The following CELA2A variants were observed in gnomAD, a reference collection of about 807,000 sequenced individuals.
CELA2A encodes chymotrypsin like elastase 2A.
In CELA2A, 31 loss-of-function variants were observed where a neutral mutation model predicts 35.3. That is an observed-to-expected ratio of 0.88 (90% CI 0.66 to 1.19). CELA2A has a LOEUF of 1.19. CELA2A is among the 50% of genes most tolerant of loss of function. The pLI is 0.00. For synonymous variants in CELA2A, 150 were observed against 149.8 expected (o/e 1.00, Z -0.01); for missense variants, 330 against 352.9 (o/e 0.94, Z 0.52).
At chr1:15,471,275 G>A (rs181618992) in intron 7 of CELA2A, among the ~76,000 whole-genome samples, 39 of 152,218 alleles carry the variant, frequency 2.6e-4, no homozygotes, top group African/African-American at 8.4e-4. Context: ...GGCTGGGCGC[G>A]GTGGCTCACG....
rs1447661522 is a variant in CELA2A at position 15,457,047 on chromosome 1, T to A, written c.41-39T>A. 4 of 1,578,838 alleles carry A rather than the reference T, an allele frequency of 2.5e-6. No individual in the cohort carries two copies. In the South Asian group the frequency reaches 4.4e-5, roughly 18 times the overall value. On this transcript the variant is annotated intron_variant, in intron 1 of 7. Transcript: ENST00000359621. Reference sequence around the variant, plus strand: ...GCAAGTGTAGTTTACATTGTGTGGGTCGCTGCTTCCTGACTCAAGACCCTT... The same window carrying A: ...GCAAGTGTAGTTTACATTGTGTGGGACGCTGCTTCCTGACTCAAGACCCTT...
intron 2 of CELA2A, among the ~76,000 whole-genome samples, chr1:15,460,134 G>A (rs1404685931): frequency 2.0e-5 from 3 of 152,124 alleles, no homozygotes; most frequent in African/African-American, 7.2e-5. Flanking sequence ...GAAGGCAACT[G>A]GGACTTGGAA....
At chr1:15,461,538 A>C in intron 2 of CELA2A, 23 bp from the exon 3 acceptor site, 3 of 1,611,346 alleles carry the variant, frequency 1.9e-6, no homozygotes, top group Non-Finnish European at 2.5e-6. Flanking sequence ...ACCTAGCCAC[A>C]GAGCTCCTTT....
chr1:15,463,392 C>T lies in CELA2A; in HGVS notation c.363C>T (p.Asp121=). 3.1e-6 allele frequency: 5 copies of T among 1,613,706 alleles called. 1 individual carries two copies. Among genetic ancestry groups the T allele is most frequent in the Non-Finnish European group, 4.2e-6 (5 of 1,179,866 alleles). The change falls in exon 5 of 8, where the codon GAC becomes GAT. Residue 121 remains aspartate (D), a synonymous_variant. Transcript: ENST00000359621. The stretch of plus-strand genomic sequence containing the variant: ...CGCCTCCACACTCACCCAGGAACGA[C>T]ATTGCCCTGCTCAAACTGGCTAACC... ...WNSNQISKGN[D]IALLKLANPV...
At chr1:15,461,702 G>T (rs746486230) in intron 3 of CELA2A, 44 bp downstream of exon 3, 2 of 1,611,292 alleles carry the variant, frequency 1.2e-6, no homozygotes, top group Non-Finnish European at 8.5e-7. Flanking sequence ...ACCAGCTGGT[G>T]CTCATTTCTG....
At chr1:15,469,994 A>T (rs1708568903) in intron 7 of CELA2A, among the ~76,000 whole-genome samples, 1 of 152,178 alleles carries the variant, frequency 6.6e-6, no homozygotes, top group Non-Finnish European at 1.5e-5. Context: ...CACAAGCACA[A>T]CAGAACAGGC....
intron 2 of CELA2A, among the ~76,000 whole-genome samples, chr1:15,458,303 A>G (rs993301460): frequency 1.3e-5 from 2 of 152,172 alleles, no homozygotes; most frequent in Non-Finnish European, 2.9e-5. Context: ...TCTCACAGAC[A>G]CTACTTCAAG....
intron 5 of CELA2A, 61 bp from the exon 6 acceptor site, chr1:15,465,938 A>G: frequency 2.5e-6 from 4 of 1,595,836 alleles, no homozygotes; most frequent in Non-Finnish European, 3.4e-6. Context: ...AGACGGGTCC[A>G]TCACTTCCTT....
At chr1:15,465,946 C>G in intron 5 of CELA2A, 53 bp from the exon 6 acceptor site, 1 of 1,605,748 alleles carries the variant, frequency 6.2e-7, no homozygotes, top group Non-Finnish European at 8.5e-7. Context: ...CCATCACTTC[C>G]TTTTTCTCAG....
At chr1:15,466,633 A>G (rs1347064932) in intron 6 of CELA2A, among the ~76,000 whole-genome samples, 1 of 151,892 alleles carries the variant, frequency 6.6e-6, no homozygotes, top group African/African-American at 2.4e-5. Flanking sequence ...TCCTTGTAGT[A>G]TCCACCCATC....
chr1:15,463,349 A>G, intron 4 of CELA2A, 37 bp from the exon 5 acceptor site: 1 of 1,612,278 alleles, frequency 6.2e-7, no homozygotes, highest in Non-Finnish European at 8.5e-7. Flanking sequence ...AGGAAAAGTC[A>G]ACCCGGTCCT....
At chr1:15,458,463 C>T (rs924840216) in intron 2 of CELA2A, among the ~76,000 whole-genome samples, 1 of 152,160 alleles carries the variant, frequency 6.6e-6, no homozygotes, top group Non-Finnish European at 1.5e-5. Flanking sequence ...ATATAAACTG[C>T]TTTGGGAGCA....
At chr1:15,465,336 G>A (rs773515844) in intron 5 of CELA2A, among the ~76,000 whole-genome samples, 2 of 152,022 alleles carry the variant, frequency 1.3e-5, no homozygotes, top group South Asian at 2.1e-4. Context: ...GGCTTCAATC[G>A]GAAGTGAAGA....
Position 15,457,070 on chromosome 1 carries a change from C to T in CELA2A, c.41-16C>T, listed in dbSNP as rs2103299600. The T allele has an allele frequency of 6.2e-7, 1 of 1,612,588 alleles. No individual in the cohort carries two copies. The highest frequency in any genetic ancestry group is 2.2e-5 in the East Asian group (1 of 44,872). ...GGTCGCTGCTTCCTGACTCAAGACC[C>T]TTTCTCTTTTCACAGCCCTCAGTTG... is the stretch of plus-strand genomic sequence containing the variant. On this transcript the variant is annotated splice_polypyrimidine_tract_variant and intron_variant, in intron 1 of 7. Coordinates refer to ENST00000359621, the MANE Select transcript of CELA2A (RefSeq NM_033440.3).
At chr1:15,471,233 A>G (rs530955626) in intron 7 of CELA2A, among the ~76,000 whole-genome samples, 8 of 152,218 alleles carry the variant, frequency 5.3e-5, no homozygotes, top group Non-Finnish European at 1.0e-4. Context: ...ACAGCACTGG[A>G]TCATGAAGTT....
intron 2 of CELA2A, among the ~76,000 whole-genome samples, chr1:15,460,839 T>C (rs892832601): frequency 2.1e-5 from 3 of 143,526 alleles, no homozygotes; most frequent in Non-Finnish European, 4.5e-5. Flanking sequence ...ACCCAGCGGC[T>C]CATTTTGGGC....
chr1:15,465,662 C>T (rs1708506872), intron 5 of CELA2A, among the ~76,000 whole-genome samples: 1 of 152,154 alleles, frequency 6.6e-6, no homozygotes, highest in Non-Finnish European at 1.5e-5. Flanking sequence ...CACAGGAAAC[C>T]CTCCCTCAGA....
chr1:15,461,507 A>G (rs2103301696), intron 2 of CELA2A, 54 bp from the exon 3 acceptor site: 1 of 1,596,072 alleles, frequency 6.3e-7, no homozygotes, highest in East Asian at 2.2e-5. Flanking sequence ...ACTGGAGTGC[A>G]GGGAGGCCCT....
chr1:15,468,603 T>G (rs1459331561), intron 7 of CELA2A, among the ~76,000 whole-genome samples: 1 of 151,926 alleles, frequency 6.6e-6, no homozygotes, highest in Non-Finnish European at 1.5e-5. Context: ...GCCCAGGAGT[T>G]CAAGAGCATC....
Sources: gnomAD v4.1 joint callset for allele counts (sites outside exome capture counted in the v4.1 genomes callset) on GRCh38, gnomAD v4.1.1 for gene constraint, MANE v1.5 for transcripts, NCBI Gene and HGNC (gene_info 2026-07-23, HGNC 2026-07-21) for gene names.